The following AK6 variants were observed in gnomAD, a reference collection of about 807,000 sequenced individuals.
AK6 encodes the protein adenylate kinase 6.
A neutral mutation model predicts 23.7 loss-of-function variants in AK6; 24 were observed. The ratio of observed to expected loss-of-function variants is 1.01; its 90% confidence interval spans 0.73 to 1.43. The LOEUF (loss-of-function observed/expected upper bound fraction) is 1.43. AK6 is among the 40% of genes most tolerant of loss of function. The pLI, the probability that AK6 is intolerant of heterozygous loss-of-function variation, is 0.00. For synonymous variants in AK6, 73 were observed against 69.8 expected (o/e 1.05, Z -0.23); for missense variants, 191 against 199.1 (o/e 0.96, Z 0.24).
At chr5:69,356,097 C>G (rs1762077879) in intron 2 of AK6, 144 bp from the exon 3 acceptor site, 1 of 654,786 alleles carries the variant, frequency 1.5e-6, no homozygotes. Context: ...ATAAATGTTA[C>G]ATAAACACCA....
At position 69,355,737 on chromosome 5, in the gene AK6, C is replaced by A. The variant is rs756009284; in HGVS notation, c.238G>T (p.Gly80Cys). Residue 80 changes from glycine (G) to cysteine (C), a missense_variant, in exon 4 of 5, where the codon GGT becomes TGT. Coordinates refer to ENST00000380822, the MANE Select transcript of AK6 (RefSeq NM_016283.5). ...CAGCGTTCAGGGAAGAAATCACAAC[C>A]ATGGTAATCAACAATAACTCCACCT... ...REGGVIVDYH[G>C]CDFFPERWFH... 1.2e-6 allele frequency: 2 copies of A among 1,613,894 alleles called. No homozygotes were observed. The highest frequency in any genetic ancestry group is 2.2e-5 in the South Asian group (2 of 91,022).
At chr5:69,361,465 ATCTC>A (rs778949971) in intron 2 of AK6, among the ~76,000 whole-genome samples, 86 of 150,272 alleles carry the variant, frequency 5.7e-4, no homozygotes, top group Non-Finnish European at 8.6e-4. Flanking sequence ...TTGAGACGGA[ATCTC>A]TCTCTGTCAC....
At chr5:69,368,853 T>A (rs961282427) in intron 1 of AK6, 1 of 152,352 alleles carries the variant, frequency 6.6e-6, no homozygotes, top group Non-Finnish European at 1.5e-5. Flanking sequence ...GACCCACTCC[T>A]ACGCGAGAAA....
At chr5:69,353,139 G>C (rs1038088040) in intron 4 of AK6, among the ~76,000 whole-genome samples, 3 of 151,922 alleles carry the variant, frequency 2.0e-5, no homozygotes, top group African/African-American at 7.3e-5. Context: ...CAGGAGACAG[G>C]CATAAAAGTC....
chr5:69,361,467 C>T (rs1165102730), intron 2 of AK6, among the ~76,000 whole-genome samples: 17 of 151,438 alleles, frequency 1.1e-4, no homozygotes, highest in Admixed American at 1.1e-3. Context: ...GAGACGGAAT[C>T]TCTCTCTGTC....
At position 69,352,000 on chromosome 5, in the gene AK6, A is replaced by G. The variant is rs1182714232; in HGVS notation, c.*61T>C. The G allele has an allele frequency of 2.1e-6, 3 of 1,440,230 alleles. No homozygotes were observed. In the Admixed American group the frequency reaches 6.3e-5, roughly 30 times the overall value. 89.2% of individuals were successfully genotyped at this position (1,440,230 alleles called of 1,614,324 possible). A position where few individuals can be genotyped will look rare whatever the true frequency, so the allele number is the denominator to read the frequency against. On this transcript the variant is annotated 3_prime_UTR_variant, in exon 5 of 5. Coordinates refer to ENST00000380822, the MANE Select transcript of AK6 (RefSeq NM_016283.5). ...ATAAAGTGTTACTGACACTTGAACAATTTCTATGATGTCGGCAGAGATATC... is the reference window on the plus strand; with the variant it reads ...ATAAAGTGTTACTGACACTTGAACAGTTTCTATGATGTCGGCAGAGATATC...
intron 4 of AK6, among the ~76,000 whole-genome samples, chr5:69,352,623 C>A (rs1291481332): frequency 1.3e-5 from 2 of 152,158 alleles, no homozygotes; most frequent in Non-Finnish European, 2.9e-5. Flanking sequence ...GGAAGATACA[C>A]AACTGTCTAA....
rs34070239 is a variant in AK6 at position 69,367,504 on chromosome 5, C to CAAAA, written c.29-913_29-910dup. ...CAGCCTGGCGACAGAGACTCCATCT[C>CAAAA]AAAAAAAAAAAAAAAAAAATTAGCC... On this transcript the variant is annotated intron_variant, in intron 1 of 4. Transcript: ENST00000380822. 2.0e-4 allele frequency among the ~76,000 whole-genome samples: 19 copies of CAAAA among 94,006 alleles called. 1 individual carries two copies. The East Asian group carries it at 2.5e-3, about 13-fold the overall frequency. 61.7% of individuals were successfully genotyped at this position (94,006 alleles called of 152,430 possible).
rs1288857810 is a variant in AK6, at chr5:69,351,137, A to G, written c.*924T>C. ...CCTTTATCATCACTGCTTCCTCCAC[A>G]GTGGTGACAGTTACATAACCTTGTT... On this transcript the variant is annotated 3_prime_UTR_variant, in exon 5 of 5. Coordinates refer to ENST00000380822, the MANE Select transcript of AK6 (RefSeq NM_016283.5). 1.3e-5 allele frequency: 2 copies of G among 152,222 alleles called. No homozygotes were observed. The allele number at this position is 152,222 out of a possible 1,614,324, so 9.4% of individuals were successfully genotyped here. A position where few individuals can be genotyped will look rare whatever the true frequency, so the allele number is the denominator to read the frequency against.
At chr5:69,369,617 CT>C (rs1338982583), upstream of AK6, 15 of 1,576,168 alleles carry the variant, frequency 9.5e-6, no homozygotes, top group East Asian at 3.1e-4. Flanking sequence ...CGCGGCGCCC[CT>C]AGCCTGCCCC....
At chr5:69,368,380 A>C (rs1762605289) in intron 1 of AK6, among the ~76,000 whole-genome samples, 1 of 152,228 alleles carries the variant, frequency 6.6e-6, no homozygotes, top group South Asian at 2.1e-4. Context: ...CATACCCAGG[A>C]GAATAACGGT....
At chr5:69,368,711 T>C (rs1050089691) in intron 1 of AK6, 1 of 152,176 alleles carries the variant, frequency 6.6e-6, no homozygotes, top group Admixed American at 6.6e-5. Context: ...ATGCATTAGA[T>C]TTTTCCACGA....
chr5:69,351,176 C>A lies in AK6; in HGVS notation c.*885G>T, dbSNP rs551619014. 1.3e-5 allele frequency: 2 copies of A among 152,244 alleles called. No individual in the cohort carries two copies. Among genetic ancestry groups the A allele is most frequent in the African/African-American group, 4.8e-5 (2 of 41,540 alleles). The allele number at this position is 152,244 out of a possible 1,614,324, so 9.4% of individuals were successfully genotyped here. A position where few individuals can be genotyped will look rare whatever the true frequency, so the allele number is the denominator to read the frequency against. ...CATAACCTTGTTAATAAGCTAAAAACCAACGGATTATAAATTTTATTTATG... is the reference window on the plus strand; with the variant it reads ...CATAACCTTGTTAATAAGCTAAAAAACAACGGATTATAAATTTTATTTATG... On this transcript the variant is annotated 3_prime_UTR_variant, in exon 5 of 5. Coordinates refer to ENST00000380822, the MANE Select transcript of AK6 (RefSeq NM_016283.5).
chr5:69,361,227 C>T (rs950022423), intron 2 of AK6, among the ~76,000 whole-genome samples: 1 of 151,944 alleles, frequency 6.6e-6, no homozygotes, highest in East Asian at 1.9e-4. Context: ...GATCTTGGCT[C>T]GCTGCAAGCT....
At chr5:69,366,456 A>G in intron 2 of AK6, 47 bp downstream of exon 2, 1 of 1,483,532 alleles carries the variant, frequency 6.7e-7, no homozygotes, top group Non-Finnish European at 9.4e-7. Flanking sequence ...CACTTACCAG[A>G]CCTTAAAAAA....
At chr5:69,357,725 T>C (rs531799145) in intron 2 of AK6, among the ~76,000 whole-genome samples, 1 of 152,294 alleles carries the variant, frequency 6.6e-6, no homozygotes, top group South Asian at 2.1e-4. Context: ...TGAGTCTATA[T>C]TTATGCCTGT....
chr5:69,356,229 C>T (rs1762080882), intron 2 of AK6, among the ~76,000 whole-genome samples: 1 of 152,064 alleles, frequency 6.6e-6, no homozygotes, highest in Non-Finnish European at 1.5e-5. Context: ...AGTGAATAAC[C>T]AACTTCAGAA....
In AK6 at chr5:69,355,688, C is replaced by T; in HGVS notation, c.287G>A (p.Arg96Lys). The T allele has an allele frequency of 6.2e-7, 1 of 1,613,464 alleles. No individual in the cohort carries two copies. Among genetic ancestry groups the T allele is most frequent in the Non-Finnish European group, 8.5e-7 (1 of 1,179,944 alleles). ...TTCGTACAATACATTGGTATCTGTT[C>T]TCAGCACAAAAACTATATGAAACCA... ...ERWFHIVFVL[R>K]TDTNVLYERL... Residue 96 changes from arginine (R) to lysine (K), a missense_variant, in exon 4 of 5, where the codon AGA becomes AAA. Transcript: ENST00000380822.
intron 1 of AK6, 47 bp from the exon 2 acceptor site, chr5:69,366,642 T>A (rs781664484): frequency 1.5e-6 from 2 of 1,342,984 alleles, no homozygotes; most frequent in Non-Finnish European, 2.1e-6. Flanking sequence ...ATACTACTTA[T>A]CACACTGCGG....
Sources: allele counts gnomAD v4.1 joint callset (sites outside exome capture counted in the v4.1 genomes callset), GRCh38; gene constraint gnomAD v4.1.1; transcripts MANE v1.5; gene names NCBI Gene and HGNC (gene_info 2026-07-23, HGNC 2026-07-21).